PHKB: variants seen among roughly 807,000 people sequenced by gnomAD.
The protein encoded by PHKB is phosphorylase b kinase regulatory subunit beta.
A neutral mutation model predicts 152.1 loss-of-function variants in PHKB; 122 were observed. The ratio of observed to expected loss-of-function variants is 0.80; its 90% CI spans 0.69 to 0.93. The LOEUF is 0.93. Ranked by LOEUF, PHKB falls within the 40% of genes least tolerant of loss-of-function variation. PHKB has a pLI of 0.00. For missense variants in PHKB, 1,304 were observed against 1,328.4 expected (o/e 0.98, Z 0.29); for synonymous variants, 436 against 464.9 (o/e 0.94, Z 0.80).
At chr16:47,631,271 C>G (rs1972821444) in intron 14 of PHKB, among the ~76,000 whole-genome samples, 1 of 152,162 alleles carries the variant, frequency 6.6e-6, no homozygotes, top group Non-Finnish European at 1.5e-5. Flanking sequence ...TCAGGTTAAA[C>G]TCTATCACTG....
chr16:47,568,353 G>C (rs1971602925), intron 7 of PHKB, among the ~76,000 whole-genome samples: 1 of 152,062 alleles, frequency 6.6e-6, no homozygotes, highest in Non-Finnish European at 1.5e-5. Context: ...ATGATCTTTT[G>C]TATTTCTGCA....
At chr16:47,556,816 A>G (rs1007178625) in intron 7 of PHKB, among the ~76,000 whole-genome samples, 6 of 151,982 alleles carry the variant, frequency 3.9e-5, no homozygotes, top group Non-Finnish European at 7.4e-5. Flanking sequence ...CTCTTTTTCT[A>G]TTGATTGGAA....
intron 7 of PHKB, among the ~76,000 whole-genome samples, chr16:47,560,612 C>T (rs893648867): frequency 3.9e-5 from 6 of 152,208 alleles, no homozygotes; most frequent in African/African-American, 1.4e-4. Flanking sequence ...TAAACCCACA[C>T]ATCTGTAATC....
intron 26 of PHKB, among the ~76,000 whole-genome samples, chr16:47,686,461 T>C (rs897704244): frequency 6.6e-6 from 1 of 152,186 alleles, no homozygotes; most frequent in Non-Finnish European, 1.5e-5. Flanking sequence ...TTTACTAACA[T>C]TTTTATGACT....
chr16:47,562,963 T>A (rs1306951578), intron 7 of PHKB, among the ~76,000 whole-genome samples: 1 of 152,174 alleles, frequency 6.6e-6, no homozygotes, highest in Non-Finnish European at 1.5e-5. Flanking sequence ...AAATTTCATC[T>A]CAAGAACCAC....
chr16:47,471,744 G>A (rs1380489862), intron 1 of PHKB, among the ~76,000 whole-genome samples: 3 of 152,182 alleles, frequency 2.0e-5, no homozygotes, highest in African/African-American at 7.2e-5. Context: ...TTTAGAAAGT[G>A]AGTTTATTGA....
intron 14 of PHKB, among the ~76,000 whole-genome samples, chr16:47,616,997 C>A (rs1164342506): frequency 6.6e-6 from 1 of 151,584 alleles, no homozygotes; most frequent in Non-Finnish European, 1.5e-5. Context: ...TAGTTTTCTG[C>A]CCTGGGTGGG....
Position 47,494,134 on chromosome 16 carries a change from T to C in PHKB, c.77-3265T>C, listed in dbSNP as rs376790244. On this transcript the variant is annotated intron_variant, in intron 1 of 30. Coordinates refer to ENST00000323584, the MANE Select transcript of PHKB (RefSeq NM_000293.3). The stretch of plus-strand genomic sequence containing the variant: ...ACTTATCGTATTGGTACCAAGGTGC[T>C]GATTGCTGGTAAAGTGGTGGGGCTC... 7.2e-5 allele frequency among the ~76,000 whole-genome samples: 11 copies of C among 152,324 alleles called. No homozygotes were observed. The East Asian group carries it at 1.9e-3, about 27-fold the overall frequency.
In PHKB at chr16:47,700,496, C is replaced by G. The variant is rs1974230655; in HGVS notation, c.*1130C>G. 1 of 151,786 alleles carries G rather than the reference C, an allele frequency of 6.6e-6. No individual in the cohort carries two copies. The highest frequency in any genetic ancestry group is 1.5e-5 in the Non-Finnish European group (1 of 67,972). The allele number at this position is 151,786 out of a possible 1,614,324, so 9.4% of individuals were successfully genotyped here. On this transcript the variant is annotated 3_prime_UTR_variant, in exon 31 of 31. Coordinates refer to ENST00000323584, the MANE Select transcript of PHKB (RefSeq NM_000293.3). ...TCTGGACATTTTTTGTTCCTAGGTTCACAAGATTGAGCTTCAAACTCCCGA... is the reference window on the plus strand; with the variant it reads ...TCTGGACATTTTTTGTTCCTAGGTTGACAAGATTGAGCTTCAAACTCCCGA...
chr16:47,683,298 C>T lies in PHKB; in HGVS notation c.2631-5743C>T, dbSNP rs565275873. ...CACTACTCTCTTCAAAGCTGTCAGA[C>T]GGGACATTTAAGTCTGCAGAGGTTA... is the stretch of plus-strand genomic sequence containing the variant. On this transcript the variant is annotated intron_variant, in intron 26 of 30. Coordinates refer to ENST00000323584, the MANE Select transcript of PHKB (RefSeq NM_000293.3). 2.5e-4 allele frequency among the ~76,000 whole-genome samples: 38 copies of T among 152,320 alleles called. No homozygotes were observed. The South Asian group carries it at 6.4e-3, about 26-fold the overall frequency.
chr16:47,665,080 G>C, intron 25 of PHKB, 105 bp downstream of exon 25: 1 of 753,666 alleles, frequency 1.3e-6, no homozygotes, highest in Non-Finnish European at 2.4e-6. Flanking sequence ...GTGGGTGAAA[G>C]CTTCTCTAGA....
At position 47,542,078 on chromosome 16, in the gene PHKB, A is replaced by C. The variant is rs1383761611; in HGVS notation, c.595-5355A>C. Reference sequence around the variant, plus strand: ...AGTCATTAAGTCCTTGCCCATGCCTATGTCCTGAATGGTATTGCCTAGGTT... The same window carrying C: ...AGTCATTAAGTCCTTGCCCATGCCTCTGTCCTGAATGGTATTGCCTAGGTT... On this transcript the variant is annotated intron_variant, in intron 6 of 30. Coordinates refer to ENST00000323584, the MANE Select transcript of PHKB (RefSeq NM_000293.3). Among the ~76,000 whole-genome samples the C allele has an allele frequency of 1.4e-4, 21 of 152,160 alleles. 1 individual carries two copies. The highest frequency in any genetic ancestry group is 8.5e-4 in the Admixed American group (13 of 15,268).
chr16:47,655,970 A>G (rs1973328947), intron 20 of PHKB, among the ~76,000 whole-genome samples: 1 of 151,978 alleles, frequency 6.6e-6, no homozygotes, highest in South Asian at 2.1e-4. Flanking sequence ...TTCAGAAATT[A>G]TAGGAGAAAG....
intron 7 of PHKB, chr16:47,566,595 C>T: frequency 6.8e-7 from 1 of 1,465,420 alleles, no homozygotes; most frequent in South Asian, 1.1e-5. Flanking sequence ...GGGTAGGTTC[C>T]CTAGAAAAGC....
At chr16:47,566,064 C>A in intron 7 of PHKB, 2 of 666,734 alleles carry the variant, frequency 3.0e-6, no homozygotes, top group Non-Finnish European at 5.4e-6. Context: ...GTACCCACTG[C>A]CAAATGCTTT....
intron 6 of PHKB, among the ~76,000 whole-genome samples, chr16:47,521,711 C>T (rs1397348876): frequency 6.6e-6 from 1 of 150,894 alleles, no homozygotes; most frequent in Non-Finnish European, 1.5e-5. Context: ...TTTGGAGATG[C>T]CCTTCATCAG....
intron 6 of PHKB, among the ~76,000 whole-genome samples, chr16:47,535,631 C>G (rs927404143): frequency 6.6e-6 from 1 of 152,180 alleles, no homozygotes; most frequent in Non-Finnish European, 1.5e-5. Flanking sequence ...AAGTCCCGCT[C>G]TATCTCTAAC....
At chr16:47,538,449 GGAATAGGT>G (rs1022568260) in intron 6 of PHKB, among the ~76,000 whole-genome samples, 1 of 152,152 alleles carries the variant, frequency 6.6e-6, no homozygotes, top group African/African-American at 2.4e-5. Flanking sequence ...AAGAGATTCT[GGAATAGGT>G]GCATGTTTTG....
In PHKB at chr16:47,677,401, C is replaced by T. The variant is rs545464403; in HGVS notation, c.2630+7984C>T. On this transcript the variant is annotated intron_variant, in intron 26 of 30. Coordinates refer to ENST00000323584, the MANE Select transcript of PHKB (RefSeq NM_000293.3). ...ATCAGCTCTGGCTTCCATAACAAAA[C>T]GCCATACATGGAATGGCTTAAACAC... is the stretch of plus-strand genomic sequence containing the variant. Among the ~76,000 whole-genome samples the T allele has an allele frequency of 8.5e-5, 13 of 152,300 alleles. No homozygotes were observed. The East Asian group carries it at 1.5e-3, about 18-fold the overall frequency.
Sources: allele counts gnomAD v4.1 joint callset (sites outside exome capture counted in the v4.1 genomes callset), GRCh38; gene constraint gnomAD v4.1.1; transcripts MANE v1.5; gene names NCBI Gene and HGNC (gene_info 2026-07-23, HGNC 2026-07-21).